The following MECOM variants were observed in gnomAD, a reference collection of about 807,000 sequenced individuals.
The protein encoded by MECOM is MDS1 and EVI1 complex locus.
MECOM carries 13 observed loss-of-function variants against 116.3 expected under a neutral mutation model. That is an observed-to-expected ratio of 0.11 (90% CI 0.07 to 0.18). The LOEUF (loss-of-function observed/expected upper bound fraction) is 0.18. Among genes scored for constraint, MECOM ranks in the 10% least tolerant of loss-of-function variants. MECOM has a pLI of 1.00. For synonymous variants in MECOM, 528 were observed against 535.2 expected (o/e 0.99, Z 0.19); for missense variants, 1,299 against 1,509.0 (o/e 0.86, Z 2.31).
intron 2 of MECOM, among the ~76,000 whole-genome samples, chr3:169,187,737 T>A (rs1746969873): frequency 6.6e-6 from 1 of 152,156 alleles, no homozygotes; most frequent in African/African-American, 2.4e-5. Context: ...AGACCAGACA[T>A]ACCTGCTTTA....
Position 169,545,066 on chromosome 3 carries a change from AG to A in MECOM, c.37+118269del, listed in dbSNP as rs1229044278. Among the ~76,000 whole-genome samples the A allele has an allele frequency of 3.6e-3, 554 of 152,352 alleles. 8 individuals are homozygous for A. The highest frequency in any genetic ancestry group is 0.013 in the African/African-American group (537 of 41,568). Reference sequence around the variant, plus strand: ...AAAAAAATTTTTTTAATTAAAAAAAAGAAAATGGTATACGTGTTCCCAGGTT... The same window carrying A: ...AAAAAAATTTTTTTAATTAAAAAAAAAAAATGGTATACGTGTTCCCAGGTT... On this transcript the variant is annotated intron_variant, in intron 1 of 16. Transcript: ENST00000651503.
At chr3:169,593,818 A>G (rs1766728019) in intron 1 of MECOM, among the ~76,000 whole-genome samples, 2 of 152,172 alleles carry the variant, frequency 1.3e-5, no homozygotes, top group South Asian at 4.1e-4. Flanking sequence ...CTTATTCTTC[A>G]TTCAAAAAAC....
chr3:169,227,857 T>C (rs1356632900), intron 2 of MECOM, among the ~76,000 whole-genome samples: 2 of 152,132 alleles, frequency 1.3e-5, no homozygotes, highest in African/African-American at 4.8e-5. Flanking sequence ...ATGACCAAAC[T>C]TGGGATTTTG....
chr3:169,084,640 T>C lies in MECOM; in HGVS notation c.*269A>G. 2.8e-6 allele frequency: 1 copy of C among 361,748 alleles called. No individual in the cohort carries two copies. Among genetic ancestry groups the C allele is most frequent in the Non-Finnish European group, 5.0e-6 (1 of 200,210 alleles). 22.4% of individuals were successfully genotyped at this position (361,748 alleles called of 1,614,324 possible). ...AAGATGCCTTCAGCCCACCAAGTTT[T>C]TTGTTTTCACTGAATCACTTTAAGT... On this transcript the variant is annotated 3_prime_UTR_variant, in exon 17 of 17. Coordinates refer to ENST00000651503, the MANE Select transcript of MECOM (RefSeq NM_004991.4).
intron 2 of MECOM, among the ~76,000 whole-genome samples, chr3:169,295,311 G>A (rs372874073): frequency 1.5e-4 from 23 of 152,258 alleles, no homozygotes; most frequent in African/African-American, 4.6e-4. Context: ...CACGTGACTC[G>A]AAGGATTTGC....
chr3:169,657,610 T>G (rs1259063607), intron 1 of MECOM, among the ~76,000 whole-genome samples: 1 of 152,192 alleles, frequency 6.6e-6, no homozygotes, highest in Non-Finnish European at 1.5e-5. Context: ...GGACAAGGAA[T>G]TCAGGACTTT....
intron 1 of MECOM, among the ~76,000 whole-genome samples, chr3:169,659,440 A>AGTTT (rs1775965582): frequency 1.6e-5 from 1 of 62,138 alleles, no homozygotes; most frequent in Non-Finnish European, 2.8e-5. Flanking sequence ...CTAAACACAG[A>AGTTT]TTTTTTTTTT....
chr3:169,430,917 A>G (rs1741513959), intron 1 of MECOM, among the ~76,000 whole-genome samples: 1 of 152,210 alleles, frequency 6.6e-6, no homozygotes, highest in African/African-American at 2.4e-5. Flanking sequence ...TTAGACATCC[A>G]AGCAAAGAAT....
rs181960570 is a variant in MECOM at position 169,266,672 on chromosome 3, T to A, written c.375+114515A>T. Reference sequence around the variant, plus strand: ...ACTTCTTGTCCCATATTACATTTGGTCTTTAATACTGGCAATTTGAGGACA... The same window carrying A: ...ACTTCTTGTCCCATATTACATTTGGACTTTAATACTGGCAATTTGAGGACA... On this transcript the variant is annotated intron_variant, in intron 2 of 16. Transcript: ENST00000651503. Among the ~76,000 whole-genome samples the A allele has an allele frequency of 5.3e-5, 8 of 152,334 alleles. No individual in the cohort carries two copies. The East Asian group carries it at 1.4e-3, about 26-fold the overall frequency.
chr3:169,480,687 G>A (rs757993691), intron 1 of MECOM, among the ~76,000 whole-genome samples: 1 of 152,166 alleles, frequency 6.6e-6, no homozygotes, highest in Non-Finnish European at 1.5e-5. Flanking sequence ...CCAATGAGGT[G>A]GGTGGTTTTT....
At chr3:169,167,733 T>C (rs1743808169) in intron 2 of MECOM, among the ~76,000 whole-genome samples, 1 of 151,964 alleles carries the variant, frequency 6.6e-6, no homozygotes, top group East Asian at 1.9e-4. Flanking sequence ...ATAGAAAAAT[T>C]GATTGTGTAT....
intron 1 of MECOM, among the ~76,000 whole-genome samples, chr3:169,625,825 A>T (rs559086112): frequency 1.3e-5 from 2 of 152,364 alleles, no homozygotes; most frequent in Admixed American, 1.3e-4. Flanking sequence ...ACAATTGACC[A>T]GCAATCAGAA....
Position 169,143,820 on chromosome 3 carries a change from A to T in MECOM, c.388T>A (p.Phe130Ile), listed in dbSNP as rs754049237. The T allele has an allele frequency of 6.2e-7, 1 of 1,605,884 alleles. No individual in the cohort carries two copies. ...TCTATGCAGAACTTCACATTGTAAA[A>T]TTCGTCTAAGATCTGGAGGGAAGAA... ...PSYGWEILDE[F>I]YNVKFCIDAS... The change falls in exon 3 of 17, where the codon TTT becomes ATT. Residue 130 changes from phenylalanine (F) to isoleucine (I), a missense_variant. By Grantham distance (21) the Phe-to-Ile change is conservative (BLOSUM62 0). This residue lies in a region of MECOM where 374 missense variants were observed against 433.4 expected (regional missense o/e 0.86). Coordinates refer to ENST00000651503, the MANE Select transcript of MECOM (RefSeq NM_004991.4).
At chr3:169,588,961 G>A (rs1311385273) in intron 1 of MECOM, among the ~76,000 whole-genome samples, 3 of 152,000 alleles carry the variant, frequency 2.0e-5, no homozygotes, top group Non-Finnish European at 2.9e-5. Context: ...AATACATAGG[G>A]TTTTTTTCTT....
chr3:169,305,375 C>T (rs992372694), intron 2 of MECOM, among the ~76,000 whole-genome samples: 20 of 152,050 alleles, frequency 1.3e-4, no homozygotes, highest in East Asian at 7.7e-4. Context: ...ATCTCAATTA[C>T]GAGACAAGGA....
chr3:169,371,932 A>T (rs1017177275), intron 2 of MECOM, among the ~76,000 whole-genome samples: 1 of 152,054 alleles, frequency 6.6e-6, no homozygotes, highest in African/African-American at 2.4e-5. Context: ...CAAACTTAAA[A>T]GTGTGAGAAC....
intron 1 of MECOM, among the ~76,000 whole-genome samples, chr3:169,605,575 A>G (rs1456273061): frequency 6.6e-6 from 1 of 152,198 alleles, no homozygotes; most frequent in Non-Finnish European, 1.5e-5. Flanking sequence ...GACAAGACTA[A>G]GCAAGACAGA....
chr3:169,427,219 A>T (rs574006828), intron 1 of MECOM, among the ~76,000 whole-genome samples: 10 of 140,510 alleles, frequency 7.1e-5, no homozygotes, highest in African/African-American at 2.2e-4. Context: ...GTTTAAATGC[A>T]TATATTATCA....
At chr3:169,615,352 T>A (rs1769870784) in intron 1 of MECOM, among the ~76,000 whole-genome samples, 1 of 152,244 alleles carries the variant, frequency 6.6e-6, no homozygotes, top group South Asian at 2.1e-4. Flanking sequence ...ATGGGCTGAA[T>A]GAATGAACAT....
Sources: gnomAD v4.1 joint callset for allele counts (sites outside exome capture counted in the v4.1 genomes callset) on GRCh38, gnomAD v4.1.1 for gene constraint, gnomAD v4.1.1 regional missense constraint, MANE v1.5 for transcripts, NCBI Gene and HGNC (gene_info 2026-07-23, HGNC 2026-07-21) for gene names.